Variants in LYST observed in about 807,000 individuals in gnomAD.
LYST encodes the protein lysosomal-trafficking regulator.
Under a neutral mutation model 413.6 loss-of-function variants are expected in LYST, and 192 were observed. That is an observed-to-expected ratio of 0.46 (90% CI 0.41 to 0.52). The LOEUF is 0.52. LYST is among the 20% of genes least tolerant of loss of function. The probability of loss-of-function intolerance (pLI) is 0.00; values close to 1 mark genes in which losing one functional copy is unlikely to be tolerated. For missense variants in LYST, 3,815 were observed against 4,499.9 expected (o/e 0.85, Z 4.35); for synonymous variants, 1,525 against 1,567.3 (o/e 0.97, Z 0.64).
intron 32 of LYST, among the ~76,000 whole-genome samples, chr1:235,734,214 T>C (rs192585883): frequency 2.0e-4 from 30 of 152,258 alleles, no homozygotes; most frequent in African/African-American, 7.0e-4. Flanking sequence ...ACTCAAGGTA[T>C]GCTTCAGCTT....
chr1:235,752,573 A>G (rs1666606288), intron 26 of LYST, among the ~76,000 whole-genome samples: 1 of 152,126 alleles, frequency 6.6e-6, no homozygotes, highest in Non-Finnish European at 1.5e-5. Context: ...TTTTCAGAGA[A>G]GGTGAATTTG....
rs1377989448 is a variant in LYST, at chr1:235,780,880, A to G, written c.5199T>C (p.Asp1733=). The G allele has an allele frequency of 2.6e-6, 4 of 1,510,986 alleles. No homozygotes were observed. Among genetic ancestry groups the G allele is most frequent in the Non-Finnish European group, 3.6e-6 (4 of 1,106,656 alleles). 93.6% of individuals were successfully genotyped at this position (1,510,986 alleles called of 1,614,324 possible). A position where few individuals can be genotyped will look rare whatever the true frequency, so the allele number is the denominator to read the frequency against. Residue 1733 remains aspartate (D), a synonymous_variant, in exon 16 of 53, where the codon GAT becomes GAC. Coordinates refer to ENST00000389793, the MANE Select transcript of LYST (RefSeq NM_000081.4). ...RELFMTKKDV[D]IGLLIESLSV... ...TAAAACTTACAATTAAGAGACCAAT[A>G]TCCACATCTTTCTTGGTCATAAAAA...
rs1183134596 is a variant in LYST at position 235,773,832 on chromosome 1, T to C, written c.5784+10A>G. 7 of 1,608,852 alleles carry C rather than the reference T, an allele frequency of 4.4e-6. No individual in the cohort carries two copies. The highest frequency in any genetic ancestry group is 6.0e-6 in the Non-Finnish European group (7 of 1,175,710). Reference sequence around the variant, plus strand: ...CAATAAAAAATGGAAAAAAAGTACATATTACATGCCTCTGCTTTACTCCAT... The same window carrying C: ...CAATAAAAAATGGAAAAAAAGTACACATTACATGCCTCTGCTTTACTCCAT... On this transcript the variant is annotated intron_variant, in intron 19 of 52. Coordinates refer to ENST00000389793, the MANE Select transcript of LYST (RefSeq NM_000081.4).
intron 38 of LYST, among the ~76,000 whole-genome samples, chr1:235,724,419 A>G (rs1409464488): frequency 6.6e-6 from 1 of 152,166 alleles, no homozygotes; most frequent in Non-Finnish European, 1.5e-5. Context: ...AATTGAGCAG[A>G]TAATACAGAA....
chr1:235,776,207 T>C (rs988987775), intron 17 of LYST, among the ~76,000 whole-genome samples: 3 of 151,724 alleles, frequency 2.0e-5, no homozygotes, highest in Admixed American at 6.6e-5. Flanking sequence ...AAAAAAACTA[T>C]GAAAAAGGAA....
At chr1:235,847,457 C>G (rs966557440) in intron 1 of LYST, among the ~76,000 whole-genome samples, 1 of 151,936 alleles carries the variant, frequency 6.6e-6, no homozygotes, top group African/African-American at 2.4e-5. Context: ...GCCTATAGAA[C>G]AAAAATGCAA....
At chr1:235,781,098 A>G in intron 15 of LYST, 43 bp from the exon 16 acceptor site, 1 of 1,243,628 alleles carries the variant, frequency 8.0e-7, no homozygotes, top group South Asian at 1.2e-5. Flanking sequence ...AAACACCCTA[A>G]CCAGAATTTT....
At chr1:235,678,997 T>C (rs1262150318) in intron 48 of LYST, among the ~76,000 whole-genome samples, 1 of 152,246 alleles carries the variant, frequency 6.6e-6, no homozygotes, top group African/African-American at 2.4e-5. Flanking sequence ...TTAGCTGCTA[T>C]GTAGTCCAGT....
chr1:235,750,734 C>G (rs939377095), intron 28 of LYST, among the ~76,000 whole-genome samples: 1 of 152,244 alleles, frequency 6.6e-6, no homozygotes, highest in Admixed American at 6.5e-5. Flanking sequence ...TGCACTGTTT[C>G]TTCTTTAGCT....
chr1:235,847,231 TCAAA>T (rs1677985774), intron 1 of LYST, among the ~76,000 whole-genome samples: 1 of 152,120 alleles, frequency 6.6e-6, no homozygotes, highest in Admixed American at 6.5e-5. Flanking sequence ...TTCAGACTCC[TCAAA>T]CAAAACAATT....
intron 1 of LYST, among the ~76,000 whole-genome samples, chr1:235,873,485 C>T (rs1681023165): frequency 6.6e-6 from 1 of 152,134 alleles, no homozygotes; most frequent in Non-Finnish European, 1.5e-5. Context: ...TCCATGATCT[C>T]ACCCTAGAGA....
At chr1:235,792,613 C>A (rs1160993815) in intron 11 of LYST, among the ~76,000 whole-genome samples, 2 of 151,578 alleles carry the variant, frequency 1.3e-5, no homozygotes, top group African/African-American at 4.9e-5. Context: ...CCATGCCCAG[C>A]CTTCATTCTT....
chr1:235,681,459 C>A (rs951821836), intron 48 of LYST, among the ~76,000 whole-genome samples: 6 of 152,066 alleles, frequency 3.9e-5, no homozygotes, highest in Admixed American at 6.5e-5. Context: ...GTGTCTGGGG[C>A]AGGACTAATG....
At chr1:235,671,150 C>G (rs1271552060) in intron 50 of LYST, among the ~76,000 whole-genome samples, 1 of 152,194 alleles carries the variant, frequency 6.6e-6, no homozygotes, top group African/African-American at 2.4e-5. Flanking sequence ...GTTGGCCAAG[C>G]TGGTCTCAAA....
chr1:235,789,214 A>G (rs1670743132), intron 12 of LYST, among the ~76,000 whole-genome samples: 1 of 152,206 alleles, frequency 6.6e-6, no homozygotes, highest in South Asian at 2.1e-4. Flanking sequence ...ATCATTGTCC[A>G]TGCCTCACAC....
At chr1:235,768,496 T>C (rs746909270) in intron 20 of LYST, among the ~76,000 whole-genome samples, 2 of 152,114 alleles carry the variant, frequency 1.3e-5, no homozygotes, top group Non-Finnish European at 2.9e-5. Flanking sequence ...CTAAGTTCAT[T>C]TCTTTATAAA....
At position 235,813,062 on chromosome 1, in the gene LYST, CTA is replaced by C. The variant is rs1016612112; in HGVS notation, c.193-3_193-2del. 2.6e-6 allele frequency: 4 copies of C among 1,548,760 alleles called. No homozygotes were observed. The highest frequency in any genetic ancestry group is 3.6e-6 in the Non-Finnish European group (4 of 1,120,676). On this transcript the variant is annotated splice_acceptor_variant and splice_polypyrimidine_tract_variant and intron_variant, in intron 3 of 52. Coordinates refer to ENST00000389793, the MANE Select transcript of LYST (RefSeq NM_000081.4). LOFTEE classifies it high-confidence loss of function. ...GGAGTTCTTCTCTACATGTCAATGC[CTA>C]TGTCAGTAACAAAAGAATCCTTCAT... is the stretch of plus-strand genomic sequence containing the variant.
rs1030234883 is a variant in LYST, at chr1:235,728,135, C to A, written c.9107-4G>T. The A allele has an allele frequency of 3.7e-6, 6 of 1,607,712 alleles. No individual in the cohort carries two copies. The African/African-American group carries it at 8.0e-5, about 21-fold the overall frequency. ...ACAAAATACATTCCACATTTACCTG[C>A]AGAAAGTAATTGGATATAAGGGTTT... On this transcript the variant is annotated splice_region_variant and splice_polypyrimidine_tract_variant and intron_variant, in intron 37 of 52. Coordinates refer to ENST00000389793, the MANE Select transcript of LYST (RefSeq NM_000081.4).
intron 16 of LYST, 32 bp from the exon 17 acceptor site, chr1:235,777,340 C>T: frequency 1.3e-6 from 2 of 1,598,744 alleles, no homozygotes; most frequent in East Asian, 2.2e-5. Flanking sequence ...TCAGTAATGA[C>T]AACAAGTTTA....
Sources: gnomAD v4.1 joint callset for allele counts (sites outside exome capture counted in the v4.1 genomes callset) on GRCh38, gnomAD v4.1.1 for gene constraint, MANE v1.5 for transcripts, NCBI Gene and HGNC (gene_info 2026-07-23, HGNC 2026-07-21) for gene names.